PDE10A: variants seen among roughly 807,000 people sequenced by gnomAD.
PDE10A encodes the protein cAMP and cAMP-inhibited cGMP 3',5'-cyclic phosphodiesterase 10A.
A neutral mutation model predicts 97.7 loss-of-function variants in PDE10A; 39 were observed. The ratio of observed to expected loss-of-function variants is 0.40; its 90% CI spans 0.31 to 0.52. The LOEUF is 0.52. PDE10A is among the 20% of genes least tolerant of loss of function. The pLI, the probability that PDE10A is intolerant of heterozygous loss-of-function variation, is 0.56. For missense variants in PDE10A, 731 were observed against 1,047.8 expected, an observed-to-expected ratio of 0.70 and a Z score of 4.17; for synonymous variants, 371 against 376.8, an observed-to-expected ratio of 0.98 and a Z score of 0.18.
rs1404461140 is a variant in PDE10A, at chr6:165,806,653, C to CA, written c.-615+180875_-615+180876insT. On this transcript the variant is annotated intron_variant, in intron 1 of 19. Transcript: ENST00000366882. Reference sequence around the variant, plus strand: ...TGCTGCATGGCTCTGCTGAGCGCCCCCCCCCAGGCTCTTCTTTAGACTTTG... The same window carrying CA: ...TGCTGCATGGCTCTGCTGAGCGCCCCACCCCCAGGCTCTTCTTTAGACTTTG... 7.2e-5 allele frequency among the ~76,000 whole-genome samples: 11 copies of CA among 151,910 alleles called. No individual in the cohort carries two copies. The South Asian group carries it at 2.3e-3, about 32-fold the overall frequency.
At chr6:165,787,428 A>T (rs1778526516) in intron 1 of PDE10A, among the ~76,000 whole-genome samples, 1 of 152,328 alleles carries the variant, frequency 6.6e-6, no homozygotes, top group African/African-American at 2.4e-5. Flanking sequence ...CTGCACCCAA[A>T]TTACTGAAGG....
At chr6:165,463,362 C>A (rs1778438525) in intron 3 of PDE10A, among the ~76,000 whole-genome samples, 1 of 152,212 alleles carries the variant, frequency 6.6e-6, no homozygotes, top group Non-Finnish European at 1.5e-5. Flanking sequence ...GGACAATCTA[C>A]AAACTGGTTT....
chr6:165,912,256 C>T (rs144552778), intron 1 of PDE10A, among the ~76,000 whole-genome samples: 3 of 152,162 alleles, frequency 2.0e-5, no homozygotes, highest in Non-Finnish European at 1.5e-5. Flanking sequence ...TACATACATA[C>T]ATATATACAC....
At chr6:165,766,221 T>C (rs1777846762) in intron 1 of PDE10A, among the ~76,000 whole-genome samples, 1 of 152,230 alleles carries the variant, frequency 6.6e-6, no homozygotes, top group African/African-American at 2.4e-5. Context: ...AATAGGGTTA[T>C]TTCTAGCTGC....
At position 165,922,825 on chromosome 6, in the gene PDE10A, A is replaced by G. The variant is rs114418060; in HGVS notation, c.-615+64704T>C. On this transcript the variant is annotated intron_variant, in intron 1 of 19. Coordinates refer to the PDE10A transcript ENST00000366882. ...TGGAAACATTCGGTTGAGTCCACTG[A>G]CTGGCTAAGAAAAGGGTTCTGTCAG... Among the ~76,000 whole-genome samples the G allele has an allele frequency of 7.6e-3, 1,156 of 152,308 alleles. 16 individuals are homozygous for G. The highest frequency in any genetic ancestry group is 0.025 in the African/African-American group (1,024 of 41,550).
intron 1 of PDE10A, among the ~76,000 whole-genome samples, chr6:165,897,946 C>T (rs1486229613): frequency 3.9e-5 from 6 of 152,006 alleles, no homozygotes; most frequent in African/African-American, 1.5e-4. Context: ...GTAGAACCTG[C>T]GGGCTCTACC....
At chr6:165,504,085 A>T (rs182237152) in intron 2 of PDE10A, among the ~76,000 whole-genome samples, 2 of 152,350 alleles carry the variant, frequency 1.3e-5, no homozygotes, top group Non-Finnish European at 2.9e-5. Flanking sequence ...ACTGCGACTT[A>T]TGGCTCTGTG....
intron 1 of PDE10A, among the ~76,000 whole-genome samples, chr6:165,571,368 A>G (rs1259274731): frequency 1.3e-5 from 2 of 152,254 alleles, no homozygotes; most frequent in Non-Finnish European, 2.9e-5. Context: ...TAGGAATTCA[A>G]GTCCTGCCAA....
At chr6:165,488,141 T>C (rs1478182901) in intron 2 of PDE10A, among the ~76,000 whole-genome samples, 1 of 152,060 alleles carries the variant, frequency 6.6e-6, no homozygotes, top group Non-Finnish European at 1.5e-5. Context: ...GGAACCACTG[T>C]GTGCCAGGAA....
chr6:165,927,647 C>CATATAT (rs71029572), intron 1 of PDE10A, among the ~76,000 whole-genome samples: 3,834 of 73,018 alleles, frequency 0.053, 209 homozygotes, highest in Non-Finnish European at 0.064. Context: ...ATGAGAATGA[C>CATATAT]ATATATATAT....
intron 1 of PDE10A, among the ~76,000 whole-genome samples, chr6:165,675,487 AGAC>A (rs1790768453): frequency 6.6e-6 from 1 of 152,236 alleles, no homozygotes; most frequent in Non-Finnish European, 1.5e-5. Context: ...TTTTCATAGA[AGAC>A]TTGTGTTCTA....
chr6:165,559,723 C>G (rs1000770606), intron 1 of PDE10A, among the ~76,000 whole-genome samples: 1 of 152,134 alleles, frequency 6.6e-6, no homozygotes, highest in Admixed American at 6.5e-5. Flanking sequence ...CCATAATTCC[C>G]ACGTGTTGCG....
chr6:165,470,884 A>G (rs1778958104), intron 3 of PDE10A, among the ~76,000 whole-genome samples: 1 of 152,146 alleles, frequency 6.6e-6, no homozygotes, highest in African/African-American at 2.4e-5. Context: ...ACATGCTGTC[A>G]TTTATCCCAT....
At chr6:165,595,264 T>C (rs937126830) in intron 1 of PDE10A, among the ~76,000 whole-genome samples, 5 of 152,172 alleles carry the variant, frequency 3.3e-5, no homozygotes, top group Non-Finnish European at 7.3e-5. Flanking sequence ...GGAGTCAAAC[T>C]AACCTGCCAC....
At chr6:165,379,408 A>G (rs1251714304) in intron 17 of PDE10A, 42 bp from the exon 18 acceptor site, 19 of 1,477,366 alleles carry the variant, frequency 1.3e-5, no homozygotes, top group Non-Finnish European at 1.7e-5. Context: ...TAACAAGCAC[A>G]AGCTCTAATC....
intron 1 of PDE10A, among the ~76,000 whole-genome samples, chr6:165,901,239 G>C (rs987237835): frequency 6.6e-6 from 1 of 152,146 alleles, no homozygotes; most frequent in Admixed American, 6.5e-5. Context: ...CTCCCCCAAG[G>C]CTAGCTAAAC....
chr6:165,830,366 C>A (rs1779876016), intron 1 of PDE10A, among the ~76,000 whole-genome samples: 1 of 152,178 alleles, frequency 6.6e-6, no homozygotes, highest in Non-Finnish European at 1.5e-5. Context: ...TGACAATCCT[C>A]CTCAGTCAAT....
At chr6:165,691,485 G>T (rs1192079217) in intron 1 of PDE10A, among the ~76,000 whole-genome samples, 1 of 151,982 alleles carries the variant, frequency 6.6e-6, no homozygotes, top group South Asian at 2.1e-4. Flanking sequence ...ACTCTGTGAT[G>T]TTCTTAGACA....
chr6:165,960,097 G>A (rs1475323471), intron 1 of PDE10A, among the ~76,000 whole-genome samples: 10 of 152,082 alleles, frequency 6.6e-5, no homozygotes, highest in Admixed American at 6.5e-4. Flanking sequence ...AATTAAACAT[G>A]GTCCACCTAG....
Sources: allele counts gnomAD v4.1 joint callset (sites outside exome capture counted in the v4.1 genomes callset), GRCh38; gene constraint gnomAD v4.1.1; transcripts MANE v1.5; gene names NCBI Gene and HGNC (gene_info 2026-07-23, HGNC 2026-07-21).